The following ERFL variants were observed in gnomAD, a reference collection of about 807,000 sequenced individuals.
ERFL encodes ETS repressor factor like.
ERFL carries 8 observed loss-of-function variants against 27.9 expected under a neutral mutation model. The observed-to-expected ratio is 0.29, with a 90% confidence interval of 0.17 to 0.52. The LOEUF is 0.52. ERFL is among the 20% of genes least tolerant of loss of function. ERFL has a pLI of 0.97. For synonymous variants in ERFL, 174 were observed against 202.8 expected, an observed-to-expected ratio of 0.86 and a Z score of 1.21; for missense variants, 294 against 444.4, an observed-to-expected ratio of 0.66 and a Z score of 3.04.
rs370847383 is a variant in ERFL, at chr19:41,916,071, C to T, written c.-13-3139G>A. Among the ~76,000 whole-genome samples, 11 of 151,930 alleles carry T rather than the reference C, an allele frequency of 7.2e-5. No homozygotes were observed. In the East Asian group the frequency reaches 7.7e-4, roughly 11 times the overall value. ...GCAGCCATGGCACCGAATGTGTGTG[C>T]GCATGTGAGCGAAGCGGTGTGCAGA... is the stretch of plus-strand genomic sequence containing the variant. On this transcript the variant is annotated intron_variant, in intron 1 of 5. Transcript: ENST00000597630. The surrounding 1 kb of genome is among the most constrained non-coding windows in gnomAD (Gnocchi z 5.4).
intron 1 of ERFL, among the ~76,000 whole-genome samples, chr19:41,915,272 T>TC (rs1410075151): frequency 6.7e-6 from 1 of 150,036 alleles, no homozygotes; most frequent in East Asian, 2.0e-4. Context: ...GCTCCCACGC[T>TC]CCCCCCGCCG....
chr19:41,909,357 A>G lies in ERFL; in HGVS notation c.417T>C (p.Ala139=). ...VNYPLLDMAA[A]ATGSPLLLTP... ...TCAGCAAGAGTGGGGAGCCAGTGGCAGCTGCCGCCATGTCCAGCAGCGGGT... is the reference window on the plus strand; with the variant it reads ...TCAGCAAGAGTGGGGAGCCAGTGGCGGCTGCCGCCATGTCCAGCAGCGGGT... The change falls in exon 4 of 6, where the codon GCT becomes GCC. Residue 139 remains alanine (A), a synonymous_variant. Transcript: ENST00000597630. The surrounding 1 kb of genome is among the most constrained non-coding windows in gnomAD (Gnocchi z 5.2). The G allele has an allele frequency of 4.0e-6, 5 of 1,235,732 alleles. No individual in the cohort carries two copies. The highest frequency in any genetic ancestry group is 2.0e-6 in the Non-Finnish European group (2 of 989,426). 76.5% of individuals were successfully genotyped at this position (1,235,732 alleles called of 1,614,324 possible).
Position 41,909,564 on chromosome 19 carries a change from G to T in ERFL, c.303-93C>A. 1.0e-6 allele frequency: 1 copy of T among 1,002,572 alleles called. No individual in the cohort carries two copies. Among genetic ancestry groups the T allele is most frequent in the Non-Finnish European group, 1.3e-6 (1 of 745,554 alleles). The allele number at this position is 1,002,572 out of a possible 1,614,324, so 62.1% of individuals were successfully genotyped here. On this transcript the variant is annotated intron_variant, in intron 3 of 5. Transcript: ENST00000597630. The surrounding 1 kb of genome is among the most constrained non-coding windows in gnomAD (Gnocchi z 5.2). ...ATGCGTGTGCTGTCCCAGGCATGGT[G>T]CACAGAGCACTAGAACTTGGGGAAA...
Position 41,907,868 on chromosome 19 carries a change from G to T in ERFL, c.*360C>A. 4.6e-6 allele frequency: 1 copy of T among 218,666 alleles called. No individual in the cohort carries two copies. Among genetic ancestry groups the T allele is most frequent in the Non-Finnish European group, 8.7e-6 (1 of 114,776 alleles). The allele number at this position is 218,666 out of a possible 1,614,324, so 13.5% of individuals were successfully genotyped here. ...GGGGCCTATATGGGGGGGGTGTCAG[G>T]ACTGGGGCCAGCACAGGGGGTTTGG... On this transcript the variant is annotated 3_prime_UTR_variant, in exon 6 of 6. Coordinates refer to ENST00000597630, the MANE Select transcript of ERFL (RefSeq NM_001365103.2).
Position 41,909,030 on chromosome 19 carries a change from C to A in ERFL, c.616+30G>T. 8.4e-7 allele frequency: 1 copy of A among 1,193,822 alleles called. No individual in the cohort carries two copies. Among genetic ancestry groups the A allele is most frequent in the Non-Finnish European group, 1.0e-6 (1 of 953,664 alleles). The allele number at this position is 1,193,822 out of a possible 1,614,324, so 74.0% of individuals were successfully genotyped here. On this transcript the variant is annotated intron_variant, in intron 5 of 5. Coordinates refer to ENST00000597630, the MANE Select transcript of ERFL (RefSeq NM_001365103.2). The surrounding 1 kb of genome is among the most constrained non-coding windows in gnomAD (Gnocchi z 5.2). ...AGCCTGCAGCTTCTCCCACTGTGCC[C>A]CCAGCACCCCAGAACCTCCAGGCTC...
intron 1 of ERFL, chr19:41,923,037 A>G: frequency 2.4e-6 from 1 of 408,900 alleles, no homozygotes; most frequent in Non-Finnish European, 4.9e-6. Flanking sequence ...GGCTGGGGGA[A>G]CCCACAGAGG....
At position 41,908,072 on chromosome 19, in the gene ERFL, C is replaced by T; in HGVS notation, c.*156G>A. On this transcript the variant is annotated 3_prime_UTR_variant, in exon 6 of 6. Transcript: ENST00000597630. The surrounding 1 kb of genome is among the most constrained non-coding windows in gnomAD (Gnocchi z 6.7). ...CCTCTGTGGAGGGGGAAGTGAGACC[C>T]CCCCCACTCTGGGGCTGGGGAAGGA... 4.0e-6 allele frequency: 2 copies of T among 497,282 alleles called. No homozygotes were observed. The highest frequency in any genetic ancestry group is 6.3e-6 in the Non-Finnish European group (2 of 317,720). 30.8% of individuals were successfully genotyped at this position (497,282 alleles called of 1,614,324 possible). A position where few individuals can be genotyped will look rare whatever the true frequency, so the allele number is the denominator to read the frequency against.
At chr19:41,912,215 C>A (rs567249766) in intron 2 of ERFL, among the ~76,000 whole-genome samples, 1 of 152,214 alleles carries the variant, frequency 6.6e-6, no homozygotes, top group Non-Finnish European at 1.5e-5. Context: ...CAGACACATT[C>A]TCCCAGTGTG....
intron 1 of ERFL, among the ~76,000 whole-genome samples, chr19:41,915,330 C>G (rs536027755): frequency 6.6e-6 from 1 of 151,714 alleles, no homozygotes; most frequent in East Asian, 2.0e-4. Flanking sequence ...GCCCAGCCTT[C>G]GTCCTGTGTC....
At chr19:41,912,038 G>T (rs150262156) in intron 2 of ERFL, among the ~76,000 whole-genome samples, 1 of 151,880 alleles carries the variant, frequency 6.6e-6, no homozygotes, top group Non-Finnish European at 1.5e-5. Context: ...GAGACAGACC[G>T]CAAGAAACAG....
At chr19:41,913,331 G>T (rs923063051) in intron 1 of ERFL, among the ~76,000 whole-genome samples, 2 of 116,002 alleles carry the variant, frequency 1.7e-5, no homozygotes, top group Non-Finnish European at 3.4e-5. Context: ...CCGCTCTCCC[G>T]CCTGACCTCC....
Position 41,910,561 on chromosome 19 carries a change from C to T in ERFL, c.68-464G>A, listed in dbSNP as rs988127098. 4.6e-5 allele frequency among the ~76,000 whole-genome samples: 7 copies of T among 152,160 alleles called. No individual in the cohort carries two copies. The highest frequency in any genetic ancestry group is 2.4e-5 in the African/African-American group (1 of 41,428). Reference sequence around the variant, plus strand: ...ATTCCCTGTCCCCTGCTCCACCTTTCGACATTCCCCAGAGCCCCCCACTGA... The same window carrying T: ...ATTCCCTGTCCCCTGCTCCACCTTTTGACATTCCCCAGAGCCCCCCACTGA... On this transcript the variant is annotated intron_variant, in intron 2 of 5. Coordinates refer to ENST00000597630, the MANE Select transcript of ERFL (RefSeq NM_001365103.2). The surrounding 1 kb of genome is among the most constrained non-coding windows in gnomAD (Gnocchi z 4.4).
intron 1 of ERFL, 57 bp downstream of exon 1, chr19:41,927,983 T>C (rs1001220874): frequency 2.2e-4 from 33 of 150,508 alleles, no homozygotes; most frequent in African/African-American, 7.8e-4. Context: ...CGCCCCCTCC[T>C]GGGGCGGGAA....
chr19:41,909,840 T>A lies in ERFL; in HGVS notation c.302+23A>T. 6.3e-7 allele frequency: 1 copy of A among 1,582,156 alleles called. No homozygotes were observed. The highest frequency in any genetic ancestry group is 8.6e-7 in the Non-Finnish European group (1 of 1,163,188). ...GTTGGGGGAAAAGGACAAGGTGGGA[T>A]CCAGCCCCAAGCCCTTCCTCACCGC... On this transcript the variant is annotated intron_variant, in intron 3 of 5. Transcript: ENST00000597630. The surrounding 1 kb of genome is among the most constrained non-coding windows in gnomAD (Gnocchi z 5.2).
intron 1 of ERFL, among the ~76,000 whole-genome samples, chr19:41,913,344 G>A: frequency 6.8e-6 from 1 of 147,386 alleles, no homozygotes; most frequent in Non-Finnish European, 1.5e-5. Flanking sequence ...TGACCTCCCG[G>A]GTCGGTCGGT....
chr19:41,921,788 C>T lies in ERFL; in HGVS notation c.-14+6252G>A, dbSNP rs1242799334. On this transcript the variant is annotated intron_variant, in intron 1 of 5. Coordinates refer to ENST00000597630, the MANE Select transcript of ERFL (RefSeq NM_001365103.2). The surrounding 1 kb of genome is among the most constrained non-coding windows in gnomAD (Gnocchi z 4.4). Reference sequence around the variant, plus strand: ...GGGCAGACCTAAGGTGTGGATTCCTCGTCCTCCGCCCCACCTCGCCCTTCT... The same window carrying T: ...GGGCAGACCTAAGGTGTGGATTCCTTGTCCTCCGCCCCACCTCGCCCTTCT... Among the ~76,000 whole-genome samples the T allele has an allele frequency of 2.0e-5, 3 of 151,956 alleles. No individual in the cohort carries two copies. The highest frequency in any genetic ancestry group is 4.8e-5 in the African/African-American group (2 of 41,306).
rs2074742060 is a variant in ERFL, at chr19:41,909,773, C to G, written c.302+90G>C. ...CAGCCCTGTGCCTTGTGGGATCCAG[C>G]AGGAACCTGCCCCAGGATGCAGAGG... is the stretch of plus-strand genomic sequence containing the variant. On this transcript the variant is annotated intron_variant, in intron 3 of 5. Transcript: ENST00000597630. The surrounding 1 kb of genome is among the most constrained non-coding windows in gnomAD (Gnocchi z 5.2). The G allele has an allele frequency of 2.9e-6, 4 of 1,398,492 alleles. No individual in the cohort carries two copies. Among genetic ancestry groups the G allele is most frequent in the Non-Finnish European group, 3.8e-6 (4 of 1,040,996 alleles). The allele number at this position is 1,398,492 out of a possible 1,614,324, so 86.6% of individuals were successfully genotyped here. A position where few individuals can be genotyped will look rare whatever the true frequency, so the allele number is the denominator to read the frequency against.
chr19:41,922,016 C>G (rs1415659646), intron 1 of ERFL, among the ~76,000 whole-genome samples: 2 of 151,454 alleles, frequency 1.3e-5, no homozygotes, highest in Non-Finnish European at 2.9e-5. Context: ...CCCAGCCTCA[C>G]TCCACATCGG....
At chr19:41,922,184 C>G (rs548948399) in intron 1 of ERFL, among the ~76,000 whole-genome samples, 1 of 152,216 alleles carries the variant, frequency 6.6e-6, no homozygotes, top group Non-Finnish European at 1.5e-5. Flanking sequence ...ACGGCAACCA[C>G]CAAGGGCCAG....
Sources: allele counts gnomAD v4.1 joint callset (sites outside exome capture counted in the v4.1 genomes callset), GRCh38; gene constraint gnomAD v4.1.1; non-coding constraint Gnocchi (gnomAD v3.1); transcripts MANE v1.5; gene names NCBI Gene and HGNC (gene_info 2026-07-23, HGNC 2026-07-21).